The following ERC1 variants were observed in gnomAD, a reference collection of about 807,000 sequenced individuals.
The protein encoded by ERC1 is RAB6 interacting protein 2.
In ERC1, 56 loss-of-function variants were observed where a neutral mutation model predicts 132.0. That is an observed-to-expected ratio of 0.42 (90% CI 0.34 to 0.53). The LOEUF is 0.53. ERC1 is among the 20% of genes least tolerant of loss of function. ERC1 has a pLI of 0.03. For missense variants in ERC1, 1,202 were observed against 1,349.9 expected (o/e 0.89, Z 1.72); for synonymous variants, 478 against 476.1 (o/e 1.00, Z -0.05).
chr12:1,060,962 G>A lies in ERC1; in HGVS notation c.670-22202G>A, dbSNP rs550594351. ...AGGATGATCTCGATCTCCTGACCGC[G>A]TGATCCACCTGCCTCGGGCCCCCCA... is the stretch of plus-strand genomic sequence containing the variant. On this transcript the variant is annotated intron_variant, in intron 2 of 18. Coordinates refer to ENST00000360905, the MANE Select transcript of ERC1 (RefSeq NM_178040.4). Among the ~76,000 whole-genome samples the A allele has an allele frequency of 4.6e-5, 7 of 152,154 alleles. No individual in the cohort carries two copies. In the East Asian group the frequency reaches 5.8e-4, roughly 13 times the overall value.
At chr12:1,384,712 A>G (rs531633128) in intron 16 of ERC1, among the ~76,000 whole-genome samples, 1 of 152,336 alleles carries the variant, frequency 6.6e-6, no homozygotes, top group African/African-American at 2.4e-5. Flanking sequence ...GAAATATAAG[A>G]ATTTAAATAA....
At chr12:1,463,158 T>C (rs891022388) in intron 18 of ERC1, among the ~76,000 whole-genome samples, 1 of 152,188 alleles carries the variant, frequency 6.6e-6, no homozygotes, top group African/African-American at 2.4e-5. Flanking sequence ...TCGGTTTTGC[T>C]CACTTACTCT....
chr12:1,426,371 C>T (rs2092641460), intron 17 of ERC1, among the ~76,000 whole-genome samples: 1 of 152,172 alleles, frequency 6.6e-6, no homozygotes, highest in African/African-American at 2.4e-5. Context: ...TCCCAAAATG[C>T]TGGCATTACA....
At chr12:991,418 C>G (rs1592520712) in intron 1 of ERC1, 96 bp downstream of exon 1, 1 of 153,484 alleles carries the variant, frequency 6.5e-6, no homozygotes. Context: ...CTTTCCTACC[C>G]AGCTTCTTGC....
intron 13 of ERC1, among the ~76,000 whole-genome samples, chr12:1,256,763 C>G (rs2076844560): frequency 6.6e-6 from 1 of 150,736 alleles, no homozygotes; most frequent in Non-Finnish European, 1.5e-5. Flanking sequence ...TCTGTAGTCT[C>G]CATAATATCT....
In ERC1 at chr12:1,282,029, A is replaced by AT. The variant is rs934365459; in HGVS notation, c.2620-7813dup. ...TTATCTTCCTAAGCCTTCTGAGTTG[A>AT]TTTTTTTTTTAAATAAAAGGAAAAT... is the stretch of plus-strand genomic sequence containing the variant. On this transcript the variant is annotated intron_variant, in intron 14 of 18. Transcript: ENST00000360905. Among the ~76,000 whole-genome samples, 192 of 150,258 alleles carry AT rather than the reference A, an allele frequency of 1.3e-3. 1 individual carries two copies. Among genetic ancestry groups the AT allele is most frequent in the African/African-American group, 4.1e-3 (168 of 40,988 alleles).
At chr12:1,120,211 C>T (rs979472703) in intron 7 of ERC1, among the ~76,000 whole-genome samples, 1 of 152,064 alleles carries the variant, frequency 6.6e-6, no homozygotes, top group Non-Finnish European at 1.5e-5. Flanking sequence ...CCAGGATGTT[C>T]TTGAACTCCT....
chr12:1,485,256 G>A (rs191430134), intron 18 of ERC1, among the ~76,000 whole-genome samples: 2,521 of 142,540 alleles, frequency 0.018, 87 homozygotes, highest in African/African-American at 0.062. Flanking sequence ...CCAGGCTGGA[G>A]TGCAGTGGCG....
At chr12:1,312,749 A>G (rs2081400323) in intron 15 of ERC1, among the ~76,000 whole-genome samples, 1 of 152,138 alleles carries the variant, frequency 6.6e-6, no homozygotes, top group Non-Finnish European at 1.5e-5. Context: ...GTTAAATTAC[A>G]TGTATTTTTA....
intron 2 of ERC1, among the ~76,000 whole-genome samples, chr12:1,074,487 G>A (rs1941010970): frequency 6.6e-6 from 1 of 151,792 alleles, no homozygotes; most frequent in Non-Finnish European, 1.5e-5. Context: ...TAGAGATGGG[G>A]TTTCACCATG....
chr12:1,110,560 G>A (rs547826299), intron 5 of ERC1, among the ~76,000 whole-genome samples: 1 of 152,288 alleles, frequency 6.6e-6, no homozygotes, highest in South Asian at 2.1e-4. Flanking sequence ...TACTTATAAA[G>A]ACAATTCTCT....
At chr12:1,009,614 ATTTCTTTAC>A (rs1964353473) in intron 1 of ERC1, among the ~76,000 whole-genome samples, 1 of 150,942 alleles carries the variant, frequency 6.6e-6, no homozygotes, top group Admixed American at 6.6e-5. Flanking sequence ...TATAATACGT[ATTTCTTTAC>A]TTTTAAGTTG....
At chr12:1,092,115 C>T (rs541451555) in intron 3 of ERC1, among the ~76,000 whole-genome samples, 3 of 151,766 alleles carry the variant, frequency 2.0e-5, no homozygotes, top group Admixed American at 2.0e-4. Context: ...TCTCCTGCTT[C>T]AGCCTCCCGA....
At chr12:1,227,127 GT>G (rs1029789154) in intron 12 of ERC1, among the ~76,000 whole-genome samples, 6 of 152,158 alleles carry the variant, frequency 3.9e-5, no homozygotes, top group African/African-American at 1.4e-4. Flanking sequence ...CCTGATTTCA[GT>G]TGTTTTTGAT....
intron 13 of ERC1, among the ~76,000 whole-genome samples, chr12:1,261,685 T>C (rs1487749674): frequency 6.6e-6 from 1 of 152,150 alleles, no homozygotes; most frequent in African/African-American, 2.4e-5. Flanking sequence ...TGTTTTGTTT[T>C]GTTTTGTTTG....
intron 18 of ERC1, among the ~76,000 whole-genome samples, chr12:1,472,100 G>A (rs74059554): frequency 0.024 from 3,643 of 152,272 alleles, 136 homozygotes; most frequent in African/African-American, 0.084. Flanking sequence ...TGTAGGTCTC[G>A]TTGTTCCATT....
chr12:1,457,033 ATATTTTTACT>A (rs1383025796), intron 18 of ERC1, among the ~76,000 whole-genome samples: 1 of 152,214 alleles, frequency 6.6e-6, no homozygotes, highest in Non-Finnish European at 1.5e-5. Context: ...TGATAAGACC[ATATTTTTACT>A]GTACCTTGTC....
chr12:1,372,369 A>G (rs1021291176), intron 16 of ERC1, among the ~76,000 whole-genome samples: 9 of 152,184 alleles, frequency 5.9e-5, no homozygotes, highest in African/African-American at 2.2e-4. Context: ...AGGATTGGGT[A>G]AGCTCTGAAG....
At position 1,300,863 on chromosome 12, in the gene ERC1, A is replaced by G. The variant is rs934811791; in HGVS notation, c.2780+10851A>G. ...CACACTGTCGGTGGGAGTATAAATT[A>G]GTTCAACCATTGTGGAAGATGATGT... On this transcript the variant is annotated intron_variant, in intron 15 of 18. Transcript: ENST00000360905. Among the ~76,000 whole-genome samples the G allele has an allele frequency of 5.9e-5, 9 of 152,298 alleles. 2 individuals carry two copies. The highest frequency in any genetic ancestry group is 5.9e-4 in the Admixed American group (9 of 15,300).
Sources: gnomAD v4.1 joint callset for allele counts (sites outside exome capture counted in the v4.1 genomes callset) on GRCh38, gnomAD v4.1.1 for gene constraint, MANE v1.5 for transcripts, NCBI Gene and HGNC (gene_info 2026-07-23, HGNC 2026-07-21) for gene names.